The following PCDHA11 variants were observed in gnomAD, a reference collection of about 807,000 sequenced individuals.
PCDHA11 encodes protocadherin alpha 11, also known as protocadherin alpha-11.
A neutral mutation model predicts 70.3 loss-of-function variants in PCDHA11; 61 were observed. The observed-to-expected ratio is 0.87, with a 90% CI of 0.71 to 1.07. PCDHA11 has a LOEUF of 1.07. Among genes scored for constraint, PCDHA11 ranks in the 50% least tolerant of loss-of-function variants. The pLI, the probability that PCDHA11 is intolerant of heterozygous loss-of-function variation, is 0.00. For synonymous variants in PCDHA11, 633 were observed against 555.1 expected, an observed-to-expected ratio of 1.14 and a Z score of -1.97; for missense variants, 1,324 against 1,237.5, an observed-to-expected ratio of 1.07 and a Z score of -1.05.
intron 1 of PCDHA11, among the ~76,000 whole-genome samples, chr5:140,970,714 A>C (rs1554232672): frequency 6.6e-6 from 1 of 152,220 alleles, no homozygotes; most frequent in Non-Finnish European, 1.5e-5. Flanking sequence ...CAATGTGTGA[A>C]CAATATTTGT....
intron 3 of PCDHA11, among the ~76,000 whole-genome samples, chr5:140,990,304 A>T (rs114506238): frequency 3.9e-5 from 6 of 152,286 alleles, no homozygotes; most frequent in Non-Finnish European, 8.8e-5. Context: ...CATTGTCTGT[A>T]AAAAACCAAC....
intron 1 of PCDHA11, among the ~76,000 whole-genome samples, chr5:140,890,656 A>C (rs181998048): frequency 1.3e-5 from 2 of 152,300 alleles, no homozygotes; most frequent in Admixed American, 6.5e-5. Context: ...CAAAATCAAA[A>C]GTTAACTGAA....
intron 1 of PCDHA11, chr5:140,966,810 G>A (rs1290992432): frequency 3.9e-6 from 6 of 1,548,566 alleles, no homozygotes; most frequent in African/African-American, 1.4e-5. Context: ...GAGCATCCAC[G>A]GCTCCGGCGG....
rs782426631 is a variant in PCDHA11, at chr5:140,982,476, T to G, written c.2452T>G (p.Ser818Ala). The change falls in exon 3 of 4, where the codon TCT becomes GCT. Residue 818 changes from serine to alanine, a missense_variant and splice_region_variant. By Grantham distance (99) the Ser-to-Ala change is moderately conservative (BLOSUM62 1). Coordinates refer to ENST00000398640, the MANE Select transcript of PCDHA11 (RefSeq NM_018902.5). The part of the protein sequence containing the change: ...SASLRAGMHS[S>A]VHLEEAGILR... Reference sequence around the variant, plus strand: ...ATCTGGGTCTGTGTGTTTATTCAGCTCTGTGCACCTAGAGGAGGCTGGCAT... The same window carrying G: ...ATCTGGGTCTGTGTGTTTATTCAGCGCTGTGCACCTAGAGGAGGCTGGCAT... 9.3e-6 allele frequency: 15 copies of G among 1,614,064 alleles called. No individual in the cohort carries two copies. The African/African-American group carries it at 2.0e-4, about 22-fold the overall frequency.
chr5:140,869,450 T>C lies in PCDHA11; in HGVS notation c.347T>C (p.Val116Ala). The change falls in exon 1 of 4, where the codon GTT (valine) becomes GCT (alanine). Residue 116 changes from valine (V) to alanine (A), a missense_variant. Physicochemically the swap from Val to Ala is moderately conservative, Grantham distance 64 (BLOSUM62 0). Coordinates refer to ENST00000398640, the MANE Select transcript of PCDHA11 (RefSeq NM_018902.5). ...GTGATCGTGGACAGGCCGCTGCAGG[T>C]TTTCCATGTGAACGTGGAGGTGAAG... ...LEVIVDRPLQ[V>A]FHVNVEVKDI... is the part of the protein sequence containing the mutation. The C allele has an allele frequency of 6.2e-7, 1 of 1,614,098 alleles. No homozygotes were observed. The highest frequency in any genetic ancestry group is 8.5e-7 in the Non-Finnish European group (1 of 1,180,026).
chr5:141,010,282 A>C lies in PCDHA11; in HGVS notation c.*345A>C, dbSNP rs375556483. The C allele has an allele frequency of 6.4e-7, 1 of 1,551,130 alleles. No homozygotes were observed. Among genetic ancestry groups the C allele is most frequent in the Admixed American group, 2.0e-5 (1 of 50,878 alleles). On this transcript the variant is annotated 3_prime_UTR_variant, in exon 4 of 4. Transcript: ENST00000398640. ...GTGCTCCGGGGATCCTGTCTTGATGACACTTGCAGGGCAGGCTGAAAAGTT... is the reference window on the plus strand; with the variant it reads ...GTGCTCCGGGGATCCTGTCTTGATGCCACTTGCAGGGCAGGCTGAAAAGTT...
At chr5:140,875,780 G>C in intron 1 of PCDHA11, 3 of 1,614,128 alleles carry the variant, frequency 1.9e-6, no homozygotes, top group Admixed American at 3.3e-5. Flanking sequence ...GCGGAGTGCA[G>C]TATCCACCTG....
At chr5:140,907,746 T>G (rs1240884837) in intron 1 of PCDHA11, among the ~76,000 whole-genome samples, 3 of 152,302 alleles carry the variant, frequency 2.0e-5, no homozygotes, top group African/African-American at 7.2e-5. Context: ...ATGGCCACTT[T>G]GTTCATGGGC....
chr5:140,994,784 A>G (rs1245945274), intron 3 of PCDHA11, among the ~76,000 whole-genome samples: 2 of 152,202 alleles, frequency 1.3e-5, no homozygotes, highest in Non-Finnish European at 2.9e-5. Flanking sequence ...CAAAGGAAAC[A>G]ATGCGTGCAT....
chr5:141,003,856 ATG>A (rs1554259354), intron 3 of PCDHA11, among the ~76,000 whole-genome samples: 1 of 152,144 alleles, frequency 6.6e-6, no homozygotes, highest in Non-Finnish European at 1.5e-5. Flanking sequence ...CCAGATTTAT[ATG>A]TGTCTGAAAT....
At chr5:140,966,712 T>C (rs2153748592) in intron 1 of PCDHA11, 2 of 1,392,090 alleles carry the variant, frequency 1.4e-6, no homozygotes, top group Middle Eastern at 2.7e-4. Flanking sequence ...GGGGCACGGC[T>C]GGGGAAGCTG....
rs199848124 is a variant in PCDHA11 at position 140,875,823 on chromosome 5, C to T, written c.2391+4329C>T. 3,681 of 1,614,172 alleles carry T rather than the reference C, an allele frequency of 2.3e-3. 15 individuals carry two copies. Among genetic ancestry groups the T allele is most frequent in the Middle Eastern group, 9.6e-3 (58 of 6,062 alleles). The stretch of plus-strand genomic sequence containing the variant: ...TCGTGGACAGGCCGCTGCAGGTTTT[C>T]CATGTGGACGTGGAGGTGAAGGACA... On this transcript the variant is annotated intron_variant, in intron 1 of 3. Transcript: ENST00000398640.
intron 1 of PCDHA11, among the ~76,000 whole-genome samples, chr5:140,971,471 G>A (rs1274091500): frequency 1.3e-5 from 2 of 152,172 alleles, no homozygotes; most frequent in African/African-American, 4.8e-5. Context: ...TATAGGGAGA[G>A]AGTGTCACAT....
At chr5:140,890,781 A>G (rs2153431855) in intron 1 of PCDHA11, among the ~76,000 whole-genome samples, 1 of 152,280 alleles carries the variant, frequency 6.6e-6, no homozygotes, top group African/African-American at 2.4e-5. Context: ...ACCCCATAAG[A>G]TATTAGTATT....
intron 1 of PCDHA11, chr5:140,882,688 A>G: frequency 1.2e-6 from 2 of 1,614,196 alleles, no homozygotes; most frequent in Non-Finnish European, 8.5e-7. Flanking sequence ...AGAAACGAAT[A>G]ATCATTGCAG....
rs1279359347 is a variant in PCDHA11 at position 141,012,130 on chromosome 5, C to T, written c.*2193C>T. ...ACTGAAGCCCATGTATCTGACCTTA[C>T]GTGCCTTTTGAACTAGGAGAATCGG... On this transcript the variant is annotated 3_prime_UTR_variant, in exon 4 of 4. Coordinates refer to ENST00000398640, the MANE Select transcript of PCDHA11 (RefSeq NM_018902.5). The T allele has an allele frequency of 2.0e-5, 3 of 153,796 alleles. No individual in the cohort carries two copies. The highest frequency in any genetic ancestry group is 1.9e-4 in the East Asian group (1 of 5,172). 9.5% of individuals were successfully genotyped at this position (153,796 alleles called of 1,614,324 possible). A position where few individuals can be genotyped will look rare whatever the true frequency, so the allele number is the denominator to read the frequency against.
At chr5:140,887,135 C>T (rs2061323683) in intron 1 of PCDHA11, among the ~76,000 whole-genome samples, 1 of 150,802 alleles carries the variant, frequency 6.6e-6, no homozygotes, top group Non-Finnish European at 1.5e-5. Context: ...CTCACTCTGT[C>T]GCCCAGGCTG....
chr5:140,886,458 T>G (rs888629917), intron 1 of PCDHA11, among the ~76,000 whole-genome samples: 1 of 152,174 alleles, frequency 6.6e-6, no homozygotes, highest in Non-Finnish European at 1.5e-5. Flanking sequence ...TTGTCATATA[T>G]AAATGTTTTT....
intron 1 of PCDHA11, among the ~76,000 whole-genome samples, chr5:140,954,191 G>C (rs201162017): frequency 2.0e-5 from 3 of 152,150 alleles, no homozygotes; most frequent in Non-Finnish European, 4.4e-5. Flanking sequence ...TCATTGATGG[G>C]CATTTGGGTT....
Sources: allele counts gnomAD v4.1 joint callset (sites outside exome capture counted in the v4.1 genomes callset), GRCh38; gene constraint gnomAD v4.1.1; transcripts MANE v1.5; gene names NCBI Gene and HGNC (gene_info 2026-07-23, HGNC 2026-07-21).